C12orf42: variants seen among roughly 807,000 people sequenced by gnomAD.
The protein encoded by C12orf42 is uncharacterized protein C12orf42.
In C12orf42, 25 loss-of-function variants were observed where a neutral mutation model predicts 21.6. That is an observed-to-expected ratio of 1.16 (90% CI 0.84 to 1.62). C12orf42 has a LOEUF of 1.62. Among genes scored for constraint, C12orf42 ranks in the 40% most tolerant of loss-of-function variants. The pLI is 0.00. For synonymous variants in C12orf42, 174 were observed against 175.0 expected (o/e 0.99, Z 0.05); for missense variants, 483 against 459.3 (o/e 1.05, Z -0.47).
At chr12:103,129,889 G>T in the C12orf42 span, among the ~76,000 whole-genome samples, 1 of 152,168 alleles carries the variant, frequency 6.6e-6, no homozygotes, top group Non-Finnish European at 1.5e-5. Context: ...GACCTGATCA[G>T]TTCTCTGTCT....
At chr12:103,246,525 C>G (rs1010906608) in intron 10 of C12orf42, among the ~76,000 whole-genome samples, 34 of 151,966 alleles carry the variant, frequency 2.2e-4, no homozygotes, top group African/African-American at 7.7e-4. Flanking sequence ...CTTAATTAAA[C>G]TGATTTCAAA....
At chr12:103,341,923 T>A (rs2042205129) in intron 4 of C12orf42, among the ~76,000 whole-genome samples, 2 of 152,230 alleles carry the variant, frequency 1.3e-5, no homozygotes, top group Admixed American at 1.3e-4. Flanking sequence ...TCAGCCTCCA[T>A]AATCATGTGA....
chr12:103,065,508 G>T, the C12orf42 span, among the ~76,000 whole-genome samples: 3 of 152,204 alleles, frequency 2.0e-5, no homozygotes, highest in East Asian at 5.8e-4. Flanking sequence ...CTTAGTCAGA[G>T]AGATCTTGAT....
the C12orf42 span, among the ~76,000 whole-genome samples, chr12:103,159,164 A>AT: frequency 1.3e-5 from 2 of 152,128 alleles, no homozygotes; most frequent in African/African-American, 4.8e-5. Context: ...TCTTCCATTG[A>AT]TTTTTTTAAA....
chr12:103,097,825 T>G, the C12orf42 span, among the ~76,000 whole-genome samples: 6 of 152,264 alleles, frequency 3.9e-5, no homozygotes, highest in African/African-American at 1.4e-4. Flanking sequence ...GCAAAGCCCT[T>G]CATTCCCCAC....
the C12orf42 span, chr12:103,178,746 G>A: frequency 6.6e-6 from 1 of 152,184 alleles, no homozygotes; most frequent in Non-Finnish European, 1.5e-5. Context: ...ATATATGGAT[G>A]TTTTTCAATG....
chr12:103,051,594 C>T, the C12orf42 span, among the ~76,000 whole-genome samples: 1 of 152,118 alleles, frequency 6.6e-6, no homozygotes, highest in Admixed American at 6.6e-5. Context: ...GGAGAGCAGC[C>T]AAAACCAATT....
chr12:103,196,573 T>A, the C12orf42 span, among the ~76,000 whole-genome samples: 1 of 152,174 alleles, frequency 6.6e-6, no homozygotes, highest in African/African-American at 2.4e-5. Flanking sequence ...TGTGGGTCTT[T>A]CAGAATTTGT....
chr12:103,201,581 C>T, the C12orf42 span, among the ~76,000 whole-genome samples: 1 of 152,118 alleles, frequency 6.6e-6, no homozygotes, highest in African/African-American at 2.4e-5. Context: ...GCTTCAAATG[C>T]TGAATGACCA....
chr12:103,350,632 G>A (rs2043028939), intron 4 of C12orf42, among the ~76,000 whole-genome samples: 1 of 152,126 alleles, frequency 6.6e-6, no homozygotes, highest in Non-Finnish European at 1.5e-5. Context: ...CGTCCACTGG[G>A]AGGATCTTGG....
In C12orf42 at chr12:103,282,681, A is replaced by G. The variant is rs74875299; in HGVS notation, n.338-5471T>C. On this transcript the variant is annotated intron_variant and non_coding_transcript_variant, in intron 4 of 6. Transcript: ENST00000546526. Reference sequence around the variant, plus strand: ...ATGGCTATATGCTGTTATTATGGTGATTTGTACAATGGAAAAAAGCGATGA... The same window carrying G: ...ATGGCTATATGCTGTTATTATGGTGGTTTGTACAATGGAAAAAAGCGATGA... Among the ~76,000 whole-genome samples the G allele has an allele frequency of 4.2e-4, 64 of 152,332 alleles. No homozygotes were observed. In the East Asian group the frequency reaches 0.012, roughly 28 times the overall value.
chr12:103,081,588 A>G, the C12orf42 span: 1 of 152,182 alleles, frequency 6.6e-6, no homozygotes, highest in African/African-American at 2.4e-5. Flanking sequence ...CATTTCTGAA[A>G]GTGTTTTATT....
At chr12:103,107,161 CG>C in the C12orf42 span, among the ~76,000 whole-genome samples, 4 of 151,928 alleles carry the variant, frequency 2.6e-5, no homozygotes, top group South Asian at 8.3e-4. Context: ...TTAACAAACA[CG>C]GTTTGCAGTT....
intron 4 of C12orf42, among the ~76,000 whole-genome samples, chr12:103,292,707 CTAA>C (rs1226477643): frequency 1.3e-5 from 2 of 151,926 alleles, no homozygotes; most frequent in African/African-American, 2.4e-5. Flanking sequence ...GGTATACTGA[CTAA>C]TAATAAGACT....
intron 5 of C12orf42, 49 bp from the exon 6 acceptor site, chr12:103,302,608 G>T (rs780250762): frequency 1.3e-6 from 2 of 1,495,890 alleles, no homozygotes; most frequent in East Asian, 2.3e-5. Flanking sequence ...TCAAGCGTGC[G>T]GGACCACACC....
At chr12:103,493,299 A>C (rs776409682) in intron 1 of C12orf42, among the ~76,000 whole-genome samples, 3 of 152,080 alleles carry the variant, frequency 2.0e-5, no homozygotes, top group African/African-American at 4.8e-5. Context: ...TATTCTCCCC[A>C]CACTCACAAT....
chr12:103,129,655 T>G, the C12orf42 span, among the ~76,000 whole-genome samples: 1 of 152,238 alleles, frequency 6.6e-6, no homozygotes, highest in Non-Finnish European at 1.5e-5. Context: ...CTCTCTTATG[T>G]TTAAACACTC....
At chr12:103,328,354 A>C (rs2040898718) in intron 4 of C12orf42, among the ~76,000 whole-genome samples, 1 of 152,148 alleles carries the variant, frequency 6.6e-6, no homozygotes, top group Admixed American at 6.5e-5. Context: ...AGTTATAGGA[A>C]CTGAGAGTCG....
intron 10 of C12orf42, among the ~76,000 whole-genome samples, chr12:103,249,699 T>C (rs1023020240): frequency 6.6e-6 from 1 of 152,030 alleles, no homozygotes; most frequent in Non-Finnish European, 1.5e-5. Flanking sequence ...GTACAGCACA[T>C]ATTAAATAAG....
Sources: allele counts gnomAD v4.1 joint callset (sites outside exome capture counted in the v4.1 genomes callset), GRCh38; gene constraint gnomAD v4.1.1; transcripts MANE v1.5; gene names NCBI Gene and HGNC (gene_info 2026-07-23, HGNC 2026-07-21).